Variants in XKR4 observed in about 807,000 individuals in gnomAD.
The protein encoded by XKR4 is XK-related protein 4.
XKR4 carries 12 observed loss-of-function variants against 53.9 expected under a neutral mutation model. The ratio of observed to expected loss-of-function variants is 0.22; its 90% CI spans 0.14 to 0.36. The LOEUF is 0.36. Ranked by LOEUF, XKR4 falls within the 10% of genes least tolerant of loss-of-function variation. The pLI is 1.00. For synonymous variants in XKR4, 354 were observed against 362.4 expected (o/e 0.98, Z 0.26); for missense variants, 799 against 859.5 (o/e 0.93, Z 0.88).
At chr8:55,459,215 A>C (rs1334913614) in intron 2 of XKR4, among the ~76,000 whole-genome samples, 2 of 152,212 alleles carry the variant, frequency 1.3e-5, no homozygotes, top group East Asian at 1.9e-4. Flanking sequence ...AAACAATTAA[A>C]TATTCATGAG....
At chr8:55,279,467 T>G (rs1818807015) in intron 1 of XKR4, among the ~76,000 whole-genome samples, 1 of 152,198 alleles carries the variant, frequency 6.6e-6, no homozygotes, top group Non-Finnish European at 1.5e-5. Flanking sequence ...TTTGCTCACT[T>G]TTTAAATTGC....
chr8:55,217,732 G>T (rs1157732171), intron 1 of XKR4, among the ~76,000 whole-genome samples: 1 of 147,982 alleles, frequency 6.8e-6, no homozygotes, highest in Non-Finnish European at 1.5e-5. Context: ...TACATAGGAA[G>T]ACAGATTAGA....
intron 1 of XKR4, among the ~76,000 whole-genome samples, chr8:55,337,315 A>G (rs1803476438): frequency 6.6e-6 from 1 of 152,126 alleles, no homozygotes; most frequent in Non-Finnish European, 1.5e-5. Context: ...TAATCAAGTC[A>G]TGGGGTTTTG....
intron 2 of XKR4, among the ~76,000 whole-genome samples, chr8:55,493,193 G>T (rs7839044): frequency 6.6e-6 from 1 of 152,294 alleles, no homozygotes; most frequent in African/African-American, 2.4e-5. Context: ...AGCTAAAGGA[G>T]CAAAAATTGG....
intron 2 of XKR4, among the ~76,000 whole-genome samples, chr8:55,382,123 C>T (rs1804244063): frequency 6.6e-6 from 1 of 152,158 alleles, no homozygotes; most frequent in Non-Finnish European, 1.5e-5. Flanking sequence ...ATGCCTTTGT[C>T]AAATTTTCCC....
At chr8:55,399,350 A>G (rs1804566367) in intron 2 of XKR4, among the ~76,000 whole-genome samples, 1 of 152,204 alleles carries the variant, frequency 6.6e-6, no homozygotes. Flanking sequence ...AGTACTACCA[A>G]CACTTACAGT....
Position 55,475,538 on chromosome 8 carries a change from T to C in XKR4, c.1007-47743T>C, listed in dbSNP as rs183744327. On this transcript the variant is annotated intron_variant, in intron 2 of 2. Transcript: ENST00000327381. ...CTCAAGCAATCCTCCTACCTCAGCC[T>C]ACTGAATAGCTGGGACTATAGGTGT... Among the ~76,000 whole-genome samples the C allele has an allele frequency of 5.3e-4, 80 of 152,102 alleles. 1 individual carries two copies. Among genetic ancestry groups the C allele is most frequent in the African/African-American group, 1.9e-3 (77 of 41,452 alleles).
At chr8:55,417,900 G>A (rs1804872454) in intron 2 of XKR4, among the ~76,000 whole-genome samples, 1 of 152,184 alleles carries the variant, frequency 6.6e-6, no homozygotes, top group African/African-American at 2.4e-5. Flanking sequence ...CAAGAAGAAA[G>A]ACAGGAATCT....
At chr8:55,138,499 A>G (rs1816660512) in intron 1 of XKR4, among the ~76,000 whole-genome samples, 2 of 152,226 alleles carry the variant, frequency 1.3e-5, no homozygotes, top group Admixed American at 1.3e-4. Flanking sequence ...TCTTTCTTAG[A>G]TGCTCTAGAA....
intron 2 of XKR4, among the ~76,000 whole-genome samples, chr8:55,446,872 A>G (rs1420822835): frequency 3.3e-5 from 5 of 152,246 alleles, no homozygotes; most frequent in African/African-American, 4.8e-5. Context: ...GATAGTCTTC[A>G]AAGAGCAAAC....
At chr8:55,156,631 A>G (rs1816911600) in intron 1 of XKR4, among the ~76,000 whole-genome samples, 1 of 152,244 alleles carries the variant, frequency 6.6e-6, no homozygotes, top group East Asian at 1.9e-4. Context: ...CATCCTAACT[A>G]GAAAAGAATG....
intron 2 of XKR4, among the ~76,000 whole-genome samples, chr8:55,521,833 A>T (rs560944245): frequency 6.6e-6 from 1 of 152,228 alleles, no homozygotes; most frequent in East Asian, 1.9e-4. Context: ...CCCTATAAAA[A>T]TATTTTTGAA....
At chr8:55,455,220 A>T in intron 2 of XKR4, 1 of 339,286 alleles carries the variant, frequency 2.9e-6, no homozygotes, top group Non-Finnish European at 5.5e-6. Context: ...CCTGGACCGC[A>T]CACCCGGGAC....
intron 1 of XKR4, among the ~76,000 whole-genome samples, chr8:55,293,120 A>C (rs1172888772): frequency 3.3e-5 from 5 of 152,180 alleles, no homozygotes; most frequent in Non-Finnish European, 7.3e-5. Context: ...AGATCACCTG[A>C]GGTCAGGAGT....
chr8:55,468,490 T>A (rs1805814997), intron 2 of XKR4, among the ~76,000 whole-genome samples: 1 of 152,094 alleles, frequency 6.6e-6, no homozygotes, highest in African/African-American at 2.4e-5. Flanking sequence ...AAAACATGTC[T>A]TATTTAAAAA....
chr8:55,421,920 G>A (rs182199748), intron 2 of XKR4, among the ~76,000 whole-genome samples: 16 of 152,166 alleles, frequency 1.1e-4, no homozygotes, highest in East Asian at 1.9e-4. Context: ...CTTTGTCTTC[G>A]CTAATTCAGT....
At position 55,306,140 on chromosome 8, in the gene XKR4, CTG is replaced by C. The variant is rs138785308; in HGVS notation, c.807-51535_807-51534del. ...TGCTCCTAAACAGAGATGAAAAAAA[CTG>C]TGCATTTTTGTCCAAAAGCTGTGCA... On this transcript the variant is annotated intron_variant, in intron 1 of 2. Coordinates refer to ENST00000327381, the MANE Select transcript of XKR4 (RefSeq NM_052898.2). Among the ~76,000 whole-genome samples, 1,029 of 152,276 alleles carry C rather than the reference CTG, an allele frequency of 6.8e-3. 14 individuals are homozygous for C. The highest frequency in any genetic ancestry group is 0.024 in the African/African-American group (990 of 41,552).
At chr8:55,121,449 A>C (rs1304602174) in intron 1 of XKR4, among the ~76,000 whole-genome samples, 1 of 152,232 alleles carries the variant, frequency 6.6e-6, no homozygotes, top group Admixed American at 6.5e-5. Flanking sequence ...GAACTTGTCC[A>C]AGTTACAGAC....
At chr8:55,283,363 C>T (rs1818866263) in intron 1 of XKR4, among the ~76,000 whole-genome samples, 1 of 152,228 alleles carries the variant, frequency 6.6e-6, no homozygotes, top group Non-Finnish European at 1.5e-5. Context: ...GCTCCGTCAC[C>T]AGCTGCTCTG....
Sources: allele counts gnomAD v4.1 joint callset (sites outside exome capture counted in the v4.1 genomes callset), GRCh38; gene constraint gnomAD v4.1.1; transcripts MANE v1.5; gene names NCBI Gene and HGNC (gene_info 2026-07-23, HGNC 2026-07-21).